Variants in CTNNA2 observed in about 807,000 individuals in gnomAD.
CTNNA2 encodes the protein catenin alpha 2.
A neutral mutation model predicts 101.0 loss-of-function variants in CTNNA2; 42 were observed. The ratio of observed to expected loss-of-function variants is 0.42; its 90% CI spans 0.32 to 0.54. The LOEUF (loss-of-function observed/expected upper bound fraction) is 0.54, where lower values mean the gene tolerates loss of function less well. Ranked by LOEUF, CTNNA2 falls within the 20% of genes least tolerant of loss-of-function variation. CTNNA2 has a pLI of 0.14. For synonymous variants in CTNNA2, 450 were observed against 456.4 expected (o/e 0.99, Z 0.18); for missense variants, 871 against 1,223.1 (o/e 0.71, Z 4.29).
At chr2:80,289,750 C>T (rs943360725) in intron 7 of CTNNA2, among the ~76,000 whole-genome samples, 10 of 152,132 alleles carry the variant, frequency 6.6e-5, no homozygotes, top group African/African-American at 2.2e-4. Context: ...CTGTCTAAGG[C>T]CACTTAGCCC....
intron 2 of CTNNA2, among the ~76,000 whole-genome samples, chr2:79,301,586 C>T (rs936108510): frequency 6.6e-6 from 1 of 152,170 alleles, no homozygotes; most frequent in African/African-American, 2.4e-5. Flanking sequence ...CATTCCAACA[C>T]TTACAGATTA....
chr2:79,889,891 C>T (rs1307531930), intron 6 of CTNNA2, among the ~76,000 whole-genome samples: 1 of 152,156 alleles, frequency 6.6e-6, no homozygotes, highest in Non-Finnish European at 1.5e-5. Context: ...ATAACAGACT[C>T]CAAAGAAGGT....
intron 1 of CTNNA2, among the ~76,000 whole-genome samples, chr2:79,570,882 A>G (rs1462305154): frequency 6.6e-6 from 1 of 152,204 alleles, no homozygotes; most frequent in Non-Finnish European, 1.5e-5. Flanking sequence ...CACAGCAGAG[A>G]AAATGTAAAT....
At chr2:79,227,879 C>G (rs758841510) in intron 2 of CTNNA2, among the ~76,000 whole-genome samples, 2 of 152,164 alleles carry the variant, frequency 1.3e-5, no homozygotes, top group Non-Finnish European at 2.9e-5. Context: ...GCATAGTACC[C>G]ACCAAGTGGT....
intron 1 of CTNNA2, among the ~76,000 whole-genome samples, chr2:79,629,594 G>T (rs544259578): frequency 6.6e-5 from 10 of 152,182 alleles, no homozygotes; most frequent in African/African-American, 2.4e-4. Context: ...CAGGTTGGGG[G>T]GTCAGATGTT....
At chr2:80,332,069 G>T (rs894188651) in intron 7 of CTNNA2, among the ~76,000 whole-genome samples, 1 of 152,068 alleles carries the variant, frequency 6.6e-6, no homozygotes, top group Non-Finnish European at 1.5e-5. Context: ...TTTAGTGAGG[G>T]TCTCCAGCCT....
intron 7 of CTNNA2, among the ~76,000 whole-genome samples, chr2:80,388,969 T>C (rs1677259322): frequency 6.6e-6 from 1 of 152,200 alleles, no homozygotes; most frequent in South Asian, 2.1e-4. Flanking sequence ...ATTTCACCTC[T>C]TAGAAATATC....
At chr2:80,430,420 G>A (rs1455835398) in intron 9 of CTNNA2, among the ~76,000 whole-genome samples, 1 of 152,102 alleles carries the variant, frequency 6.6e-6, no homozygotes, top group African/African-American at 2.4e-5. Context: ...GAAACTAAAA[G>A]TAGCCTGACC....
chr2:79,568,382 A>C (rs951954805), intron 1 of CTNNA2, among the ~76,000 whole-genome samples: 1 of 152,002 alleles, frequency 6.6e-6, no homozygotes, highest in African/African-American at 2.4e-5. Context: ...TGGGCAGATC[A>C]CCAGAGGTCA....
At chr2:79,552,637 A>G (rs1376241874) in intron 1 of CTNNA2, among the ~76,000 whole-genome samples, 1 of 152,116 alleles carries the variant, frequency 6.6e-6, no homozygotes, top group Non-Finnish European at 1.5e-5. Flanking sequence ...TGAAATCTAG[A>G]TAGAGGCTCC....
intron 4 of CTNNA2, among the ~76,000 whole-genome samples, chr2:79,450,001 G>A (rs1484237963): frequency 6.6e-6 from 1 of 151,932 alleles, no homozygotes; most frequent in Non-Finnish European, 1.5e-5. Flanking sequence ...CTCATTAGAA[G>A]AAAAATTGGT....
intron 4 of CTNNA2, among the ~76,000 whole-genome samples, chr2:79,430,584 A>G (rs1305087771): frequency 2.0e-5 from 3 of 152,210 alleles, no homozygotes; most frequent in Admixed American, 6.6e-5. Flanking sequence ...AGTGCCAACC[A>G]TAAGCCAAAT....
intron 2 of CTNNA2, among the ~76,000 whole-genome samples, chr2:79,201,175 G>T (rs1226300438): frequency 6.6e-6 from 1 of 151,986 alleles, no homozygotes; most frequent in Non-Finnish European, 1.5e-5. Flanking sequence ...CGTCAAGTCA[G>T]ATAGAGCTGG....
intron 7 of CTNNA2, among the ~76,000 whole-genome samples, chr2:80,245,187 C>T (rs907833998): frequency 6.6e-6 from 1 of 152,204 alleles, no homozygotes; most frequent in African/African-American, 2.4e-5. Context: ...CTGAGAATAA[C>T]CTGCACAGGC....
At chr2:80,292,435 G>A (rs1360288058) in intron 7 of CTNNA2, among the ~76,000 whole-genome samples, 1 of 152,026 alleles carries the variant, frequency 6.6e-6, no homozygotes, top group Non-Finnish European at 1.5e-5. Context: ...CCCAACCTCA[G>A]TTTACCTGTT....
Position 80,555,823 on chromosome 2 carries a change from G to C in CTNNA2, c.1671G>C (p.Glu557Asp), listed in dbSNP as rs905820071. ...GAGTCATACACATCATCAATGCTGAGATGGAGAACTATGAAGCTGGGGTTT... is the reference window on the plus strand; with the variant it reads ...GAGTCATACACATCATCAATGCTGACATGGAGAACTATGAAGCTGGGGTTT... ...AARVIHIINA[E>D]MENYEAGVYT... is the part of the protein sequence containing the mutation. Residue 557 changes from glutamate to aspartate, a missense_variant, in exon 12 of 19, where the codon GAG becomes GAC. Coordinates refer to ENST00000402739, the MANE Select transcript of CTNNA2 (RefSeq NM_001282597.3). 6.3e-7 allele frequency: 1 copy of C among 1,596,446 alleles called. No individual in the cohort carries two copies. Among genetic ancestry groups the C allele is most frequent in the Admixed American group, 1.7e-5 (1 of 57,194 alleles).
At chr2:79,262,091 G>T (rs1013881472) in intron 2 of CTNNA2, among the ~76,000 whole-genome samples, 24 of 152,048 alleles carry the variant, frequency 1.6e-4, no homozygotes, top group African/African-American at 5.6e-4. Flanking sequence ...TCACTCAAGT[G>T]GTCAAAGAGA....
At chr2:79,668,621 C>T (rs2104569870) in intron 2 of CTNNA2, among the ~76,000 whole-genome samples, 1 of 152,266 alleles carries the variant, frequency 6.6e-6, no homozygotes, top group South Asian at 2.1e-4. Flanking sequence ...CTCTTGGACA[C>T]AGTGAGTCAC....
chr2:79,779,133 GT>G (rs5832408), intron 3 of CTNNA2, among the ~76,000 whole-genome samples: 57,327 of 146,986 alleles, frequency 0.39, 13,269 homozygotes, highest in East Asian at 0.7. Flanking sequence ...TTCTGTTGTT[GT>G]TTTTTTTTTT....
Sources: allele counts gnomAD v4.1 joint callset (sites outside exome capture counted in the v4.1 genomes callset), GRCh38; gene constraint gnomAD v4.1.1; transcripts MANE v1.5; gene names NCBI Gene and HGNC (gene_info 2026-07-23, HGNC 2026-07-21).